Variants in SDK2 observed in about 807,000 individuals in gnomAD.
SDK2 encodes the protein protein sidekick-2.
SDK2 carries 105 observed loss-of-function variants against 253.9 expected under a neutral mutation model. The observed-to-expected ratio is 0.41, with a 90% CI of 0.35 to 0.49. The LOEUF (loss-of-function observed/expected upper bound fraction) is 0.49, where lower values mean the gene tolerates loss of function less well. SDK2 is among the 20% of genes least tolerant of loss of function. SDK2 has a pLI of 0.06. For synonymous variants in SDK2, 1,249 were observed against 1,234.9 expected (o/e 1.01, Z -0.24); for missense variants, 2,608 against 3,003.0 (o/e 0.87, Z 3.07).
intron 3 of SDK2, among the ~76,000 whole-genome samples, chr17:73,458,224 G>A (rs980885549): frequency 1.3e-5 from 2 of 152,164 alleles, no homozygotes; most frequent in Admixed American, 6.5e-5. Context: ...GATTATAGGC[G>A]TGAGCCACTG....
intron 36 of SDK2, among the ~76,000 whole-genome samples, chr17:73,369,683 G>C (rs367689086): frequency 5.3e-5 from 8 of 152,178 alleles, no homozygotes; most frequent in South Asian, 2.1e-4. Flanking sequence ...TTTTGAGATG[G>C]AGTCTCGCAC....
At chr17:73,362,831 T>G (rs1171843190) in intron 38 of SDK2, among the ~76,000 whole-genome samples, 1 of 152,200 alleles carries the variant, frequency 6.6e-6, no homozygotes, top group African/African-American at 2.4e-5. Context: ...ACTGCCAGCC[T>G]CCCTGGGAGC....
chr17:73,596,983 C>T (rs530627794), intron 1 of SDK2, among the ~76,000 whole-genome samples: 38 of 152,294 alleles, frequency 2.5e-4, no homozygotes, highest in African/African-American at 6.3e-4. Context: ...GTCGGGAGTC[C>T]GGCGCCCTAG....
chr17:73,438,102 C>A lies in SDK2; in HGVS notation c.778G>T (p.Gly260Cys), dbSNP rs2063384891. The A allele has an allele frequency of 6.4e-7, 1 of 1,551,570 alleles. No homozygotes were observed. Among genetic ancestry groups the A allele is most frequent in the African/African-American group, 1.4e-5 (1 of 73,064 alleles). The change falls in exon 7 of 45, where the codon GGC becomes TGC. Residue 260 changes from glycine (G) to cysteine (C), a missense_variant. By Grantham distance (159) the Gly-to-Cys change is radical (BLOSUM62 -3). This residue lies in a region of SDK2 where 1,505 missense variants were observed against 1,859.1 expected (regional missense o/e 0.81). Coordinates refer to ENST00000392650, the MANE Select transcript of SDK2 (RefSeq NM_001144952.2). ...IWKKDGVLLS[G>C]GISDHNRRLT... ...CGGCGGTTGTGGTCACTGATGCCGCCCGACAGCAATACCCCGTCCTTCTTC... is the reference window on the plus strand; with the variant it reads ...CGGCGGTTGTGGTCACTGATGCCGCACGACAGCAATACCCCGTCCTTCTTC...
chr17:73,462,383 C>T (rs2063569745), intron 3 of SDK2, among the ~76,000 whole-genome samples: 1 of 151,790 alleles, frequency 6.6e-6, no homozygotes, highest in African/African-American at 2.4e-5. Flanking sequence ...TGTATGTTTA[C>T]ATGTATGAAT....
rs190947991 is a variant in SDK2, at chr17:73,349,310, A to G, written c.6039-585T>C. On this transcript the variant is annotated intron_variant, in intron 43 of 44. Coordinates refer to ENST00000392650, the MANE Select transcript of SDK2 (RefSeq NM_001144952.2). ...GGGAGCTCCTCCCTCCATCCTCTAG[A>G]TGAACACACACATAGCTTCGTCCCT... is the stretch of plus-strand genomic sequence containing the variant. Among the ~76,000 whole-genome samples the G allele has an allele frequency of 1.6e-3, 250 of 152,304 alleles. 2 individuals are homozygous for G. The highest frequency in any genetic ancestry group is 0.013 in the Admixed American group (202 of 15,304).
chr17:73,368,985 C>A (rs1269424378), intron 36 of SDK2, among the ~76,000 whole-genome samples: 37 of 149,450 alleles, frequency 2.5e-4, no homozygotes, highest in Non-Finnish European at 4.4e-5. Flanking sequence ...GTACTCCAGC[C>A]TGGGTGACAG....
At chr17:73,389,368 G>C (rs935061587) in intron 29 of SDK2, among the ~76,000 whole-genome samples, 2 of 151,816 alleles carry the variant, frequency 1.3e-5, no homozygotes, top group Non-Finnish European at 2.9e-5. Context: ...ATTTTTAGTA[G>C]GGACGAGGTT....
At chr17:73,418,010 G>GTTTTTTTTTTTTTTTTTTTTTTTTTTT (rs397689294) in intron 16 of SDK2, among the ~76,000 whole-genome samples, 3 of 128,258 alleles carry the variant, frequency 2.3e-5, no homozygotes, top group Admixed American at 9.0e-5. Context: ...TCCTAGATGA[G>GTTTTTTTTTTTTTTTTTTTTTTTTTTT]TTTTTTTTTT....
chr17:73,624,048 C>T (rs968537375), intron 1 of SDK2, among the ~76,000 whole-genome samples: 47 of 152,334 alleles, frequency 3.1e-4, no homozygotes, highest in African/African-American at 1.1e-3. Context: ...AACCTCCAGG[C>T]TCCCTCCCAG....
chr17:73,597,090 C>A (rs917489951), intron 1 of SDK2, among the ~76,000 whole-genome samples: 2 of 152,226 alleles, frequency 1.3e-5, no homozygotes, highest in African/African-American at 4.8e-5. Context: ...TGTGGGAGTG[C>A]CTGTCAAGAG....
rs532551299 is a variant in SDK2, at chr17:73,541,633, C to T, written c.65-34036G>A. On this transcript the variant is annotated intron_variant, in intron 1 of 44. Transcript: ENST00000392650. The surrounding 1 kb of genome is among the most constrained non-coding windows in gnomAD (Gnocchi z 4.3). ...CCTGCTGGCTCTTCATTTCTCGTGG[C>T]GTGTTTACCTTCCTGATTTTGCCTG... 3.9e-5 allele frequency among the ~76,000 whole-genome samples: 6 copies of T among 152,112 alleles called. No individual in the cohort carries two copies. Among genetic ancestry groups the T allele is most frequent in the South Asian group, 4.2e-4 (2 of 4,808 alleles).
chr17:73,454,994 C>T (rs112580002), intron 4 of SDK2, among the ~76,000 whole-genome samples: 2,105 of 152,278 alleles, frequency 0.014, 19 homozygotes, highest in Middle Eastern at 0.037. Context: ...TGAGCCGCCG[C>T]GTCCGGCCTG....
intron 18 of SDK2, among the ~76,000 whole-genome samples, chr17:73,412,102 G>GTATATACGTATATGTATA: frequency 1.1e-5 from 1 of 92,330 alleles, no homozygotes; most frequent in Admixed American, 1.2e-4. Flanking sequence ...ACGTATATAT[G>GTATATACGTATATGTATA]TATACGTATA....
chr17:73,418,379 C>T (rs2063201391), intron 16 of SDK2, among the ~76,000 whole-genome samples: 1 of 152,154 alleles, frequency 6.6e-6, no homozygotes, highest in Non-Finnish European at 1.5e-5. Context: ...CTTGGAGAGA[C>T]TTGATAATTT....
At chr17:73,607,004 G>A (rs2045916679) in intron 1 of SDK2, among the ~76,000 whole-genome samples, 1 of 152,206 alleles carries the variant, frequency 6.6e-6, no homozygotes, top group Admixed American at 6.5e-5. Flanking sequence ...CAATATTCAA[G>A]CTAGACCATG....
At chr17:73,472,663 C>T (rs1021086374) in intron 2 of SDK2, among the ~76,000 whole-genome samples, 13 of 152,192 alleles carry the variant, frequency 8.5e-5, no homozygotes, top group Admixed American at 2.6e-4. Flanking sequence ...CATGTTTTCC[C>T]AAATGCTCAG....
rs2063514850 is a variant in SDK2, at chr17:73,455,030, A to G, written c.479+876T>C. ...TGATAGTGATATTATTATTATTGTT[A>G]TTGTTACTATGCTTCCTTCCCCCAA... On this transcript the variant is annotated intron_variant, in intron 4 of 44. Coordinates refer to ENST00000392650, the MANE Select transcript of SDK2 (RefSeq NM_001144952.2). The surrounding 1 kb of genome is among the most constrained non-coding windows in gnomAD (Gnocchi z 5.0). Among the ~76,000 whole-genome samples the G allele has an allele frequency of 1.3e-5, 2 of 151,980 alleles. No homozygotes were observed. The highest frequency in any genetic ancestry group is 2.4e-5 in the African/African-American group (1 of 41,382).
intron 1 of SDK2, among the ~76,000 whole-genome samples, chr17:73,608,916 C>T (rs1808595195): frequency 6.6e-6 from 1 of 152,208 alleles, no homozygotes; most frequent in Admixed American, 6.5e-5. Flanking sequence ...CACCGTGTCG[C>T]AGCGGAGAAG....
Sources: allele counts gnomAD v4.1 joint callset (sites outside exome capture counted in the v4.1 genomes callset), GRCh38; gene constraint gnomAD v4.1.1; regional missense constraint gnomAD v4.1.1; non-coding constraint Gnocchi (gnomAD v3.1); transcripts MANE v1.5; gene names NCBI Gene and HGNC (gene_info 2026-07-23, HGNC 2026-07-21).